The following NALCN variants were observed in gnomAD, a reference collection of about 807,000 sequenced individuals.
NALCN encodes sodium leak channel NALCN.
Under a neutral mutation model 225.3 loss-of-function variants are expected in NALCN, and 111 were observed. The observed-to-expected ratio is 0.49, with a 90% confidence interval of 0.42 to 0.58. The LOEUF (loss-of-function observed/expected upper bound fraction) is 0.58. Ranked by LOEUF, NALCN falls within the 20% of genes least tolerant of loss-of-function variation. NALCN has a pLI of 0.00. For synonymous variants in NALCN, 764 were observed against 769.0 expected (o/e 0.99, Z 0.11); for missense variants, 1,378 against 2,202.4 (o/e 0.63, Z 7.49).
intron 1 of NALCN, among the ~76,000 whole-genome samples, chr13:101,400,915 T>C (rs940887429): frequency 6.6e-6 from 1 of 151,800 alleles, no homozygotes; most frequent in Non-Finnish European, 1.5e-5. Context: ...TATAAGTGTT[T>C]GACAGTTCCT....
chr13:101,174,863 G>A (rs2038893462), intron 15 of NALCN, among the ~76,000 whole-genome samples: 3 of 152,130 alleles, frequency 2.0e-5, no homozygotes, highest in South Asian at 2.1e-4. Flanking sequence ...ACATATCTGT[G>A]CATAATAACC....
chr13:101,229,291 G>T, intron 13 of NALCN, 102 bp downstream of exon 13: 1 of 1,100,530 alleles, frequency 9.1e-7, no homozygotes, highest in Non-Finnish European at 1.3e-6. Context: ...TCAAAAATAG[G>T]ATAATACTTC....
chr13:101,174,880 T>A (rs1457562281), intron 15 of NALCN, among the ~76,000 whole-genome samples: 1 of 152,212 alleles, frequency 6.6e-6, no homozygotes, highest in Non-Finnish European at 1.5e-5. Flanking sequence ...AACCATGGCA[T>A]GAAGGAAAAG....
At chr13:101,217,318 T>A (rs1340298359) in intron 13 of NALCN, among the ~76,000 whole-genome samples, 2 of 152,204 alleles carry the variant, frequency 1.3e-5, no homozygotes, top group African/African-American at 4.8e-5. Context: ...TCATCTAAAT[T>A]GTACTCATAC....
At chr13:101,289,282 T>C (rs2043458706) in intron 9 of NALCN, among the ~76,000 whole-genome samples, 1 of 152,160 alleles carries the variant, frequency 6.6e-6, no homozygotes, top group Admixed American at 6.5e-5. Flanking sequence ...GTTTTCCAGT[T>C]ACATGTTATA....
At chr13:101,372,127 C>G (rs60394909) in intron 6 of NALCN, among the ~76,000 whole-genome samples, 2 of 151,810 alleles carry the variant, frequency 1.3e-5, no homozygotes, top group Non-Finnish European at 1.5e-5. Context: ...AAATTCATGA[C>G]GATAAAAAGG....
chr13:101,305,787 TTTGTAGA>T (rs2044134241), intron 7 of NALCN, among the ~76,000 whole-genome samples: 1 of 152,236 alleles, frequency 6.6e-6, no homozygotes, highest in Admixed American at 6.5e-5. Flanking sequence ...TTTTTGTCCC[TTTGTAGA>T]TTGTAAACTC....
At chr13:101,272,850 T>C (rs774775432) in intron 10 of NALCN, among the ~76,000 whole-genome samples, 8 of 151,996 alleles carry the variant, frequency 5.3e-5, no homozygotes, top group African/African-American at 9.7e-5. Flanking sequence ...GTTTCAGGAG[T>C]GCCTAGGATG....
At chr13:101,191,868 T>A in intron 14 of NALCN, 49 bp downstream of exon 14, 2 of 1,571,902 alleles carry the variant, frequency 1.3e-6, no homozygotes, top group Non-Finnish European at 1.7e-6. Context: ...TTGATGTTCA[T>A]CCCATTATAA....
At chr13:101,319,723 G>T (rs867489365) in intron 7 of NALCN, among the ~76,000 whole-genome samples, 10 of 152,128 alleles carry the variant, frequency 6.6e-5, no homozygotes, top group South Asian at 4.2e-4. Context: ...CATAGAAGAA[G>T]GATTTTCTTA....
At chr13:101,274,083 A>C (rs1345777354) in intron 10 of NALCN, among the ~76,000 whole-genome samples, 1 of 152,154 alleles carries the variant, frequency 6.6e-6, no homozygotes, top group East Asian at 1.9e-4. Context: ...TCTAGAAGGC[A>C]TACAAAATAG....
intron 1 of NALCN, among the ~76,000 whole-genome samples, chr13:101,406,204 T>C (rs1034200620): frequency 2.0e-5 from 3 of 150,920 alleles, no homozygotes; most frequent in Non-Finnish European, 4.4e-5. Flanking sequence ...CATGCACCTG[T>C]AGTCCCAGCT....
At chr13:101,236,356 G>A (rs887229499) in intron 12 of NALCN, among the ~76,000 whole-genome samples, 4 of 152,152 alleles carry the variant, frequency 2.6e-5, no homozygotes, top group Non-Finnish European at 4.4e-5. Flanking sequence ...TCAGTGTGGC[G>A]ATTCCTCAGG....
intron 28 of NALCN, 115 bp downstream of exon 28, chr13:101,095,459 T>TC: frequency 6.4e-6 from 5 of 787,152 alleles, no homozygotes; most frequent in African/African-American, 1.8e-5. Flanking sequence ...TGACTTAAGA[T>TC]CATTTTAACA....
At chr13:101,301,748 A>C (rs77261202) in intron 7 of NALCN, among the ~76,000 whole-genome samples, 2 of 151,636 alleles carry the variant, frequency 1.3e-5, no homozygotes, top group African/African-American at 2.4e-5. Flanking sequence ...CAAGAAAAAA[A>C]AAAACAAAAC....
chr13:101,231,367 GCTA>G (rs1489611321), intron 12 of NALCN, among the ~76,000 whole-genome samples: 13 of 152,142 alleles, frequency 8.5e-5, no homozygotes, highest in South Asian at 2.1e-4. Context: ...GGATTCAATG[GCTA>G]CTATTACAAA....
intron 13 of NALCN, among the ~76,000 whole-genome samples, chr13:101,209,918 C>T (rs1471611579): frequency 6.6e-6 from 1 of 152,200 alleles, no homozygotes; most frequent in Non-Finnish European, 1.5e-5. Context: ...TTAGCAAGTA[C>T]ATTTCTGTTG....
At chr13:101,162,111 C>T (rs903652523) in intron 15 of NALCN, among the ~76,000 whole-genome samples, 1 of 152,180 alleles carries the variant, frequency 6.6e-6, no homozygotes, top group Non-Finnish European at 1.5e-5. Context: ...TCTCCTGTAA[C>T]TTTCTTCATC....
intron 11 of NALCN, among the ~76,000 whole-genome samples, chr13:101,238,778 T>G (rs1478112187): frequency 2.0e-5 from 3 of 151,968 alleles, no homozygotes; most frequent in African/African-American, 7.2e-5. Flanking sequence ...GATAGGAATA[T>G]AGCAGACCTT....
Sources: allele counts gnomAD v4.1 joint callset (sites outside exome capture counted in the v4.1 genomes callset), GRCh38; gene constraint gnomAD v4.1.1; transcripts MANE v1.5; gene names NCBI Gene and HGNC (gene_info 2026-07-23, HGNC 2026-07-21).